KMT2A: variants seen among roughly 807,000 people sequenced by gnomAD.
KMT2A encodes histone-lysine N-methyltransferase 2A.
KMT2A carries 16 observed loss-of-function variants against 345.3 expected under a neutral mutation model. The observed-to-expected ratio is 0.05, with a 90% CI of 0.03 to 0.07. The LOEUF (loss-of-function observed/expected upper bound fraction) is 0.07, where lower values mean the gene tolerates loss of function less well. KMT2A is among the 10% of genes least tolerant of loss of function. KMT2A has a pLI of 1.00. For missense variants in KMT2A, 3,272 were observed against 4,841.6 expected, an observed-to-expected ratio of 0.68 and a Z score of 9.62; for synonymous variants, 1,599 against 1,778.6, an observed-to-expected ratio of 0.90 and a Z score of 2.54.
rs781895419 is a variant in KMT2A, at chr11:118,504,895, C to G, written c.9003C>G (p.His3001Gln). The change falls in exon 27 of 36, where the codon CAC (histidine) becomes CAG (glutamine). Residue 3001 changes from histidine (H) to glutamine (Q), a missense_variant. His to Gln is a conservative substitution (Grantham distance 24, BLOSUM62 0). Coordinates refer to ENST00000534358, the MANE Select transcript of KMT2A (RefSeq NM_001197104.2). This position sits in a 1 kb window ranked among gnomAD's most constrained non-coding sequence, Gnocchi z 6.4. ...HMTPDHFIQG[H>Q]MDADHISSPP... Reference sequence around the variant, plus strand: ...CTCCTGATCATTTTATCCAAGGACACATGGATGCAGACCACATCTCTAGCC... The same window carrying G: ...CTCCTGATCATTTTATCCAAGGACAGATGGATGCAGACCACATCTCTAGCC... 14 of 1,614,190 alleles carry G rather than the reference C, an allele frequency of 8.7e-6. No homozygotes were observed. In the Admixed American group the frequency reaches 2.3e-4, roughly 27 times the overall value.
At chr11:118,439,908 C>T (rs1293557703) in intron 1 of KMT2A, among the ~76,000 whole-genome samples, 1 of 150,794 alleles carries the variant, frequency 6.6e-6, no homozygotes, top group Non-Finnish European at 1.5e-5. Flanking sequence ...TGGTAGTTTT[C>T]AGTGTAGAAG....
At chr11:118,513,937 CAAAAAA>C (rs1178939991) in intron 31 of KMT2A, among the ~76,000 whole-genome samples, 12 of 47,368 alleles carry the variant, frequency 2.5e-4, no homozygotes, top group African/African-American at 1.0e-3. Flanking sequence ...GACCCTGTCT[CAAAAAA>C]AAAAAAAAAA....
Position 118,472,637 on chromosome 11 carries a change from C to G in KMT2A, c.1478C>G (p.Ser493Cys). The G allele has an allele frequency of 6.2e-7, 1 of 1,612,734 alleles. No homozygotes were observed. Among genetic ancestry groups the G allele is most frequent in the Non-Finnish European group, 8.5e-7 (1 of 1,179,830 alleles). The change falls in exon 3 of 36, where the codon TCT becomes TGT. Residue 493 changes from serine to cysteine, a missense_variant. Around this residue, in one of 27 missense-constraint regions of KMT2A, gnomAD observed 180 missense variants for 190.7 expected, o/e 0.94. Transcript: ENST00000534358. ...GATACCTCCACAGACTCTCAGGCTT[C>G]TGAGGAGATTCAGGTACTTCCTGAG... The part of the protein sequence containing the change: ...SVDTSTDSQA[S>C]EEIQVLPEER...
At position 118,496,914 on chromosome 11, in the gene KMT2A, T is replaced by G. The variant is rs1555044123; in HGVS notation, c.5664+547T>G. 5.9e-5 allele frequency among the ~76,000 whole-genome samples: 9 copies of G among 152,226 alleles called. No individual in the cohort carries two copies. Among genetic ancestry groups the G allele is most frequent in the Non-Finnish European group, 1.3e-4 (9 of 68,036 alleles). On this transcript the variant is annotated intron_variant, in intron 20 of 35. Coordinates refer to ENST00000534358, the MANE Select transcript of KMT2A (RefSeq NM_001197104.2). The surrounding 1 kb of genome is among the most constrained non-coding windows in gnomAD (Gnocchi z 4.7). ...AATGAAATAATGTATGTAAAGCCTCTATTTGGTGCCTGGCACACACAGTAA... is the reference window on the plus strand; with the variant it reads ...AATGAAATAATGTATGTAAAGCCTCGATTTGGTGCCTGGCACACACAGTAA...
Position 118,502,510 on chromosome 11 carries a change from G to A in KMT2A, c.6618G>A (p.Gln2206=). 1 of 1,614,052 alleles carries A rather than the reference G, an allele frequency of 6.2e-7. No individual in the cohort carries two copies. The change falls in exon 27 of 36, where the codon CAG becomes CAA. Residue 2206 remains glutamine, a synonymous_variant. Transcript: ENST00000534358. The surrounding 1 kb of genome is among the most constrained non-coding windows in gnomAD (Gnocchi z 4.9). ...RRHSTSSLSP[Q]RSKLRIMSPM... ...ACAGTACCTCTTCCTTATCACCCCA[G>A]CGGTCCAAACTCCGGATAATGTCTC...
In KMT2A at chr11:118,498,309, C is replaced by T. The variant is rs1419716204; in HGVS notation, c.5803-61C>T. On this transcript the variant is annotated intron_variant, in intron 21 of 35. Coordinates refer to ENST00000534358, the MANE Select transcript of KMT2A (RefSeq NM_001197104.2). The surrounding 1 kb of genome is among the most constrained non-coding windows in gnomAD (Gnocchi z 4.4). Reference sequence around the variant, plus strand: ...GAATGGGATGAGTCTATAGAGGAGACGGTAAACGTCTTAAAACATATGAAA... The same window carrying T: ...GAATGGGATGAGTCTATAGAGGAGATGGTAAACGTCTTAAAACATATGAAA... 34 of 1,481,940 alleles carry T rather than the reference C, an allele frequency of 2.3e-5. No individual in the cohort carries two copies. Among genetic ancestry groups the T allele is most frequent in the South Asian group, 9.9e-5 (8 of 80,682 alleles). 91.8% of individuals were successfully genotyped at this position (1,481,940 alleles called of 1,614,324 possible).
chr11:118,475,757 A>G (rs1950026511), intron 3 of KMT2A, among the ~76,000 whole-genome samples: 1 of 152,170 alleles, frequency 6.6e-6, no homozygotes, highest in Non-Finnish European at 1.5e-5. Context: ...ATGTTATTCA[A>G]CCTAGGGCCA....
intron 1 of KMT2A, among the ~76,000 whole-genome samples, chr11:118,452,890 C>T (rs1364784784): frequency 6.6e-6 from 1 of 151,104 alleles, no homozygotes; most frequent in Non-Finnish European, 1.5e-5. Flanking sequence ...CCTCGGCCTC[C>T]CAAAGTGCTG....
rs2134397407 is a variant in KMT2A, at chr11:118,504,135, G to A, written c.8243G>A (p.Gly2748Asp). ...AGCAGCCAGATTCCAAAAAGAAATG[G>A]TAAAGAAAATGGAACAGAGAACTTA... ...RKSSQIPKRN[G>D]KENGTENLKI... Residue 2748 changes from glycine to aspartate, a missense_variant, in exon 27 of 36, where the codon GGT becomes GAT. Transcript: ENST00000534358. This position sits in a 1 kb window ranked among gnomAD's most constrained non-coding sequence, Gnocchi z 6.4. The A allele has an allele frequency of 6.2e-7, 1 of 1,614,180 alleles. No individual in the cohort carries two copies. Among genetic ancestry groups the A allele is most frequent in the African/African-American group, 1.3e-5 (1 of 75,048 alleles).
At chr11:118,468,091 G>A (rs1489970452) in intron 1 of KMT2A, among the ~76,000 whole-genome samples, 3 of 151,958 alleles carry the variant, frequency 2.0e-5, no homozygotes, top group African/African-American at 7.3e-5. Flanking sequence ...CTGAAAATAG[G>A]ATGCTTCCCT....
chr11:118,445,463 C>T (rs1949399344), intron 1 of KMT2A, among the ~76,000 whole-genome samples: 1 of 152,162 alleles, frequency 6.6e-6, no homozygotes, highest in African/African-American at 2.4e-5. Context: ...AGCTCTGAGG[C>T]TCTTCAGGGT....
chr11:118,472,829 C>A lies in KMT2A; in HGVS notation c.1670C>A (p.Thr557Asn), dbSNP rs1312514848. 3 of 1,613,936 alleles carry A rather than the reference C, an allele frequency of 1.9e-6. No homozygotes were observed. Among genetic ancestry groups the A allele is most frequent in the East Asian group, 2.2e-5 (1 of 44,878 alleles). Residue 557 changes from threonine to asparagine, a missense_variant, in exon 3 of 36, where the codon ACC becomes AAC. Thr to Asn is a moderately conservative substitution (Grantham distance 65, BLOSUM62 0). Transcript: ENST00000534358. ...CTACAAAGTGCCCCCCAGCAGCAGA[C>A]CTCCTCGTCTCCACCTCCACCTCTG... ...STLQSAPQQQ[T>N]SSSPPPPLLT...
rs113303920 is a variant in KMT2A, at chr11:118,495,626, CA to C, written c.5364-72del. 1.7e-6 allele frequency: 2 copies of C among 1,202,834 alleles called. No individual in the cohort carries two copies. Among genetic ancestry groups the C allele is most frequent in the African/African-American group, 1.5e-5 (1 of 64,648 alleles). 74.5% of individuals were successfully genotyped at this position (1,202,834 alleles called of 1,614,324 possible). A position where few individuals can be genotyped will look rare whatever the true frequency, so the allele number is the denominator to read the frequency against. On this transcript the variant is annotated intron_variant, in intron 18 of 35. Transcript: ENST00000534358. The surrounding 1 kb of genome is among the most constrained non-coding windows in gnomAD (Gnocchi z 4.1). ...TCCTACATGGGGCAACAGGTGATAT[CA>C]AGAATTTATTTTATACAGTTCTAGG...
chr11:118,488,329 CTTTG>C (rs1555041462), intron 10 of KMT2A, among the ~76,000 whole-genome samples: 1 of 152,118 alleles, frequency 6.6e-6, no homozygotes, highest in Non-Finnish European at 1.5e-5. Flanking sequence ...TCCCATAGCT[CTTTG>C]TTTATACCAC....
In KMT2A at chr11:118,490,008, A is replaced by G; in HGVS notation, c.4575+121A>G. 1 of 1,427,786 alleles carries G rather than the reference A, an allele frequency of 7.0e-7. No homozygotes were observed. Among genetic ancestry groups the G allele is most frequent in the Non-Finnish European group, 9.7e-7 (1 of 1,033,430 alleles). The allele number at this position is 1,427,786 out of a possible 1,614,324, so 88.4% of individuals were successfully genotyped here. A position where few individuals can be genotyped will look rare whatever the true frequency, so the allele number is the denominator to read the frequency against. On this transcript the variant is annotated intron_variant, in intron 12 of 35. Coordinates refer to ENST00000534358, the MANE Select transcript of KMT2A (RefSeq NM_001197104.2). This position sits in a 1 kb window ranked among gnomAD's most constrained non-coding sequence, Gnocchi z 4.2. Reference sequence around the variant, plus strand: ...AGTATGACAATCTTTTTGCCTCATTACTAGGAAATCATCTCAGCAGAGAAA... The same window carrying G: ...AGTATGACAATCTTTTTGCCTCATTGCTAGGAAATCATCTCAGCAGAGAAA...
At chr11:118,469,959 T>G (rs559359542) in intron 2 of KMT2A, among the ~76,000 whole-genome samples, 2 of 152,228 alleles carry the variant, frequency 1.3e-5, no homozygotes, top group Non-Finnish European at 2.9e-5. Flanking sequence ...TAACATGTGA[T>G]GAAGTCTTAA....
Position 118,498,550 on chromosome 11 carries a change from T to TTA in KMT2A, c.5961+22_5961+23insTA, listed in dbSNP as rs781835429. On this transcript the variant is annotated intron_variant, in intron 22 of 35. Transcript: ENST00000534358. This position sits in a 1 kb window ranked among gnomAD's most constrained non-coding sequence, Gnocchi z 4.4. ...CGAAGTGAGAGAGCTTTAGTTGCTT[T>TTA]AAAAAAAAAAAAAAAGACTTTTTTA... 34 of 1,442,242 alleles carry TTA rather than the reference T, an allele frequency of 2.4e-5. No individual in the cohort carries two copies. In the African/African-American group the frequency reaches 4.5e-4, roughly 19 times the overall value. 89.3% of individuals were successfully genotyped at this position (1,442,242 alleles called of 1,614,324 possible). A position where few individuals can be genotyped will look rare whatever the true frequency, so the allele number is the denominator to read the frequency against.
chr11:118,456,469 G>C (rs1347796082), intron 1 of KMT2A, among the ~76,000 whole-genome samples: 1 of 151,922 alleles, frequency 6.6e-6, no homozygotes, highest in Non-Finnish European at 1.5e-5. Context: ...CTCCCAAGTA[G>C]CTGGGATTAC....
rs947512772 is a variant in KMT2A at position 118,476,779 on chromosome 11, T to A, written c.3157-26T>A. On this transcript the variant is annotated intron_variant, in intron 3 of 35. Transcript: ENST00000534358. The surrounding 1 kb of genome is among the most constrained non-coding windows in gnomAD (Gnocchi z 4.1). The stretch of plus-strand genomic sequence containing the variant: ...ATAATTTCAACATGTATGGTTGTTA[T>A]TGTTTTTGGATTGCCTCATATTCAG... 4 of 1,584,790 alleles carry A rather than the reference T, an allele frequency of 2.5e-6. No homozygotes were observed. The South Asian group carries it at 4.5e-5, about 18-fold the overall frequency.
Sources: gnomAD v4.1 joint callset for allele counts (sites outside exome capture counted in the v4.1 genomes callset) on GRCh38, gnomAD v4.1.1 for gene constraint, gnomAD v4.1.1 regional missense constraint, Gnocchi (gnomAD v3.1) non-coding constraint, MANE v1.5 for transcripts, NCBI Gene and HGNC (gene_info 2026-07-23, HGNC 2026-07-21) for gene names.